The following QSER1 variants were observed in gnomAD, a reference collection of about 807,000 sequenced individuals.
QSER1 encodes the protein glutamine and serine rich 1, also known as glutamine and serine-rich protein 1.
QSER1 carries 49 observed loss-of-function variants against 158.5 expected under a neutral mutation model. The observed-to-expected ratio is 0.31, with a 90% CI of 0.25 to 0.39. The LOEUF (loss-of-function observed/expected upper bound fraction) is 0.39. Ranked by LOEUF, QSER1 falls within the 10% of genes least tolerant of loss-of-function variation. The pLI, the probability that QSER1 is intolerant of heterozygous loss-of-function variation, is 1.00. For synonymous variants in QSER1, 650 were observed against 715.5 expected, an observed-to-expected ratio of 0.91 and a Z score of 1.46; for missense variants, 1,754 against 2,010.3, an observed-to-expected ratio of 0.87 and a Z score of 2.44.
At chr11:32,963,496 C>T (rs574718906) in intron 8 of QSER1, among the ~76,000 whole-genome samples, 2 of 152,146 alleles carry the variant, frequency 1.3e-5, no homozygotes, top group African/African-American at 4.8e-5. Context: ...GGATTACAGG[C>T]GCCCGCCATC....
At chr11:32,931,306 G>C (rs958108864) in intron 3 of QSER1, among the ~76,000 whole-genome samples, 1 of 152,040 alleles carries the variant, frequency 6.6e-6, no homozygotes, top group African/African-American at 2.4e-5. Flanking sequence ...TAATCCAGGC[G>C]TGGTGGCTTG....
At chr11:32,923,946 G>T (rs1010865530) in intron 1 of QSER1, among the ~76,000 whole-genome samples, 1 of 152,060 alleles carries the variant, frequency 6.6e-6, no homozygotes, top group Non-Finnish European at 1.5e-5. Context: ...CCAGCCTGGC[G>T]ACAGAGCAAG....
At chr11:32,902,140 G>C (rs1408525051) in intron 1 of QSER1, among the ~76,000 whole-genome samples, 1 of 152,176 alleles carries the variant, frequency 6.6e-6, no homozygotes. Flanking sequence ...TTACATTCTT[G>C]GGTGAAGGAG....
chr11:32,966,664 A>C (rs1014789511), intron 9 of QSER1, among the ~76,000 whole-genome samples: 7 of 152,222 alleles, frequency 4.6e-5, no homozygotes, highest in Non-Finnish European at 8.8e-5. Flanking sequence ...TATAGCTTCT[A>C]ACCAGTTTCT....
rs1369859353 is a variant in QSER1 at position 32,969,028 on chromosome 11, A to G, written c.5108-18A>G. On this transcript the variant is annotated intron_variant, in intron 9 of 12. Transcript: ENST00000650167. ...ATTTATTGATAGTTTATCCTGTTAA[A>G]TTATAATGTTGTTTCAGATGAGCTA... 1 of 1,334,152 alleles carries G rather than the reference A, an allele frequency of 7.5e-7. No homozygotes were observed. The highest frequency in any genetic ancestry group is 1.0e-6 in the Non-Finnish European group (1 of 961,642). 82.6% of individuals were successfully genotyped at this position (1,334,152 alleles called of 1,614,324 possible). A position where few individuals can be genotyped will look rare whatever the true frequency, so the allele number is the denominator to read the frequency against.
intron 4 of QSER1, among the ~76,000 whole-genome samples, chr11:32,943,117 C>G (rs896745239): frequency 6.6e-6 from 1 of 151,942 alleles, no homozygotes; most frequent in African/African-American, 2.4e-5. Flanking sequence ...TGCTTATCAG[C>G]TTAAGGAGAT....
chr11:32,954,315 A>C, intron 5 of QSER1, 136 bp downstream of exon 5: 1 of 1,001,872 alleles, frequency 1.0e-6, no homozygotes. Flanking sequence ...TGATAAAATC[A>C]AAATATTAAG....
At chr11:32,920,227 C>G (rs1287568422) in intron 1 of QSER1, among the ~76,000 whole-genome samples, 1 of 152,172 alleles carries the variant, frequency 6.6e-6, no homozygotes, top group African/African-American at 2.4e-5. Context: ...TTGCTATGAT[C>G]ATTTTAAAAG....
chr11:32,907,099 G>T (rs904660544), intron 1 of QSER1, among the ~76,000 whole-genome samples: 8 of 152,080 alleles, frequency 5.3e-5, no homozygotes, highest in African/African-American at 1.2e-4. Context: ...AAATACTACT[G>T]GTTTTATTAT....
Position 32,935,320 on chromosome 11 carries a change from T to C in QSER1, c.4062T>C (p.His1354=), listed in dbSNP as rs1852135226. The change falls in exon 4 of 13, where the codon CAT becomes CAC. Residue 1354 remains histidine, a synonymous_variant. Coordinates refer to ENST00000650167, the MANE Select transcript of QSER1 (RefSeq NM_001076786.3). ...KVDNELKNLE[H]LSSFSSDEDD... ...ATAATGAACTTAAAAACTTGGAACA[T>C]TTATCTTCATTTTCTTCTGATGAAG... is the stretch of plus-strand genomic sequence containing the variant. The C allele has an allele frequency of 3.1e-6, 5 of 1,613,852 alleles. No homozygotes were observed. Among genetic ancestry groups the C allele is most frequent in the Non-Finnish European group, 4.2e-6 (5 of 1,179,840 alleles).
chr11:32,933,209 T>C lies in QSER1; in HGVS notation c.1951T>C (p.Ser651Pro), dbSNP rs753441399. 1.2e-6 allele frequency: 2 copies of C among 1,613,894 alleles called. No homozygotes were observed. The highest frequency in any genetic ancestry group is 4.5e-5 in the East Asian group (2 of 44,898). ...SQKFLPAVQS[S>P]SFASSTHCQT... ...GAAGTTTTTGCCTGCTGTCCAGTCATCATCTTTTGCATCCTCTACTCATTG... is the reference window on the plus strand; with the variant it reads ...GAAGTTTTTGCCTGCTGTCCAGTCACCATCTTTTGCATCCTCTACTCATTG... The change falls in exon 4 of 13, where the codon TCA (serine) becomes CCA (proline). Residue 651 changes from serine (S) to proline (P), a missense_variant. By Grantham distance (74) the Ser-to-Pro change is moderately conservative. Coordinates refer to ENST00000650167, the MANE Select transcript of QSER1 (RefSeq NM_001076786.3).
In QSER1 at chr11:32,975,274, A is replaced by G; in HGVS notation, c.5385A>G (p.Ile1795Met). 1.9e-6 allele frequency: 3 copies of G among 1,576,172 alleles called. No homozygotes were observed. The highest frequency in any genetic ancestry group is 2.6e-6 in the Non-Finnish European group (3 of 1,161,126). The change falls in exon 12 of 13, where the codon ATA becomes ATG. Residue 1795 changes from isoleucine to methionine, a missense_variant. Ile to Met is a conservative substitution (Grantham distance 10). Coordinates refer to ENST00000650167, the MANE Select transcript of QSER1 (RefSeq NM_001076786.3). ...AGTTTGCTGTCGATCCAGAGAAAAT[A>G]CAGTTGTATTCTTTGTATCATTCAC... ...AQEFAVDPEK[I>M]QLYSLYHSLH...
At chr11:32,916,679 A>T (rs191472934) in intron 1 of QSER1, among the ~76,000 whole-genome samples, 55 of 152,308 alleles carry the variant, frequency 3.6e-4, no homozygotes, top group African/African-American at 1.3e-3. Context: ...GTATTGGTGT[A>T]TCTAAACACC....
In QSER1 at chr11:32,928,138, C is replaced by G. The variant is rs768496938; in HGVS notation, c.484+15C>G. ...CTGGCAGACAGGTGATTTTCTGTTT[C>G]TAGAATTTTTAAGTCCTATAAAAAT... On this transcript the variant is annotated intron_variant, in intron 3 of 12. Transcript: ENST00000650167. 12 of 1,549,294 alleles carry G rather than the reference C, an allele frequency of 7.7e-6. No homozygotes were observed. Among genetic ancestry groups the G allele is most frequent in the African/African-American group, 1.4e-5 (1 of 73,516 alleles).
rs937148867 is a variant in QSER1, at chr11:32,936,720, C to A, written c.4177+1285C>A. ...CAGGTTTTTCTGGTTCTAGAGCCTA[C>A]ATTCTTTCTCAGCTCTTTAGGATAA... On this transcript the variant is annotated intron_variant, in intron 4 of 12. Transcript: ENST00000650167. Among the ~76,000 whole-genome samples the A allele has an allele frequency of 2.0e-5, 3 of 152,174 alleles. No homozygotes were observed. The East Asian group carries it at 5.8e-4, about 29-fold the overall frequency.
intron 1 of QSER1, among the ~76,000 whole-genome samples, chr11:32,915,778 A>G (rs763791347): frequency 2.0e-5 from 3 of 152,226 alleles, no homozygotes; most frequent in Non-Finnish European, 4.4e-5. Context: ...ACATTATTAT[A>G]TGGTATATGG....
intron 8 of QSER1, 66 bp downstream of exon 8, chr11:32,958,152 G>C (rs926210324): frequency 8.2e-7 from 1 of 1,214,440 alleles, no homozygotes. Context: ...TGAGGAGCAG[G>C]ATGCTGACAA....
chr11:32,900,512 T>A (rs1411277749), intron 1 of QSER1, among the ~76,000 whole-genome samples: 1 of 150,346 alleles, frequency 6.7e-6, no homozygotes, highest in African/African-American at 2.5e-5. Flanking sequence ...TGAGCTGAGA[T>A]CACACCACTG....
At chr11:32,966,526 CTTGT>C in intron 9 of QSER1, 89 bp downstream of exon 9, 1 of 1,257,830 alleles carries the variant, frequency 8.0e-7, no homozygotes, top group Non-Finnish European at 1.1e-6. Flanking sequence ...TTATATGTGA[CTTGT>C]GTAATATATA....
Sources: gnomAD v4.1 joint callset for allele counts (sites outside exome capture counted in the v4.1 genomes callset) on GRCh38, gnomAD v4.1.1 for gene constraint, MANE v1.5 for transcripts, NCBI Gene and HGNC (gene_info 2026-07-23, HGNC 2026-07-21) for gene names.